The following DCLK3 variants were observed in gnomAD, a reference collection of about 807,000 sequenced individuals.
The protein encoded by DCLK3 is serine/threonine-protein kinase DCLK3.
A neutral mutation model predicts 46.4 loss-of-function variants in DCLK3; 30 were observed. The ratio of observed to expected loss-of-function variants is 0.65; its 90% confidence interval spans 0.48 to 0.88. The LOEUF is 0.88. Ranked by LOEUF, DCLK3 falls within the 40% of genes least tolerant of loss-of-function variation. The pLI, the probability that DCLK3 is intolerant of heterozygous loss-of-function variation, is 0.00. For missense variants in DCLK3, 846 were observed against 907.1 expected (o/e 0.93, Z 0.87); for synonymous variants, 401 against 339.2 (o/e 1.18, Z -2.00).
At chr3:36,735,769 T>A (rs992647822) in intron 2 of DCLK3, among the ~76,000 whole-genome samples, 1 of 152,220 alleles carries the variant, frequency 6.6e-6, no homozygotes, top group Non-Finnish European at 1.5e-5. Flanking sequence ...GTAATAATAG[T>A]GATAGTCTCT....
chr3:36,758,426 G>C (rs1191802628), intron 1 of DCLK3, among the ~76,000 whole-genome samples: 1 of 152,110 alleles, frequency 6.6e-6, no homozygotes, highest in Non-Finnish European at 1.5e-5. Context: ...GGGGGCTTTG[G>C]GGAAGTGATT....
chr3:36,737,336 C>T lies in DCLK3; in HGVS notation c.1831G>A (p.Ala611Thr), dbSNP rs1344499024. The T allele has an allele frequency of 1.2e-6, 2 of 1,614,080 alleles. No individual in the cohort carries two copies. The highest frequency in any genetic ancestry group is 2.2e-5 in the East Asian group (1 of 44,878). Residue 611 changes from alanine (A) to threonine (T), a missense_variant, in exon 2 of 5, where the codon GCC becomes ACC. Around this residue, in one of 3 missense-constraint regions of DCLK3, gnomAD observed 247 missense variants for 322.8 expected, o/e 0.77. Transcript: ENST00000636136. This position sits in a 1 kb window ranked among gnomAD's most constrained non-coding sequence, Gnocchi z 4.4. ...EYVQGGDLFDAIIESVKFPEP... is the reference protein window; with the variant it reads ...EYVQGGDLFDTIIESVKFPEP... ...GGGAACTTCACACTTTCTATGATGG[C>T]GTCAAAAAGGTCTCCTCCCTGCACG...
intron 2 of DCLK3, among the ~76,000 whole-genome samples, chr3:36,725,457 T>C (rs1394742328): frequency 6.6e-6 from 1 of 151,728 alleles, no homozygotes; most frequent in East Asian, 1.9e-4. Context: ...CCTCTACAAA[T>C]AGTAAAAATA....
intron 2 of DCLK3, among the ~76,000 whole-genome samples, chr3:36,726,633 T>G (rs1701128518): frequency 6.6e-6 from 1 of 152,136 alleles, no homozygotes; most frequent in Non-Finnish European, 1.5e-5. Context: ...CCCACTTGCT[T>G]TGGTTTCTGC....
chr3:36,728,687 G>A (rs1701155384), intron 2 of DCLK3, among the ~76,000 whole-genome samples: 2 of 152,156 alleles, frequency 1.3e-5, no homozygotes, highest in African/African-American at 4.8e-5. Flanking sequence ...TCTCCAGCTT[G>A]TGGACAGCCA....
chr3:36,734,148 C>T (rs1033522761), intron 2 of DCLK3, among the ~76,000 whole-genome samples: 9 of 152,190 alleles, frequency 5.9e-5, no homozygotes, highest in Non-Finnish European at 1.3e-4. Flanking sequence ...TATTTTAAAT[C>T]TTAGAAGGCC....
intron 2 of DCLK3, among the ~76,000 whole-genome samples, chr3:36,727,328 A>G (rs1359670646): frequency 3.9e-5 from 6 of 152,192 alleles, no homozygotes; most frequent in Non-Finnish European, 8.8e-5. Context: ...CATTTGGCTG[A>G]CTTAGTATAC....
chr3:36,754,630 G>C (rs1360116097), intron 1 of DCLK3, among the ~76,000 whole-genome samples: 2 of 152,188 alleles, frequency 1.3e-5, no homozygotes, highest in Non-Finnish European at 2.9e-5. Flanking sequence ...ATGTGTGAGA[G>C]ATTATATCTC....
At chr3:36,742,732 A>G (rs1321642749) in intron 1 of DCLK3, among the ~76,000 whole-genome samples, 1 of 152,236 alleles carries the variant, frequency 6.6e-6, no homozygotes, top group Non-Finnish European at 1.5e-5. Context: ...AAAGTAGTCT[A>G]GAGCAAAATT....
chr3:36,715,666 C>A, intron 4 of DCLK3, 145 bp from the exon 5 acceptor site: 1 of 720,676 alleles, frequency 1.4e-6, no homozygotes, highest in Non-Finnish European at 2.0e-6. Flanking sequence ...CAGCACAGTC[C>A]AATAGAAGAC....
intron 1 of DCLK3, among the ~76,000 whole-genome samples, chr3:36,750,601 A>G (rs543037525): frequency 6.6e-6 from 1 of 152,336 alleles, no homozygotes; most frequent in South Asian, 2.1e-4. Context: ...GTAACACCAC[A>G]GATCCAATCT....
At chr3:36,724,445 G>A (rs1438599676) in intron 2 of DCLK3, among the ~76,000 whole-genome samples, 2 of 152,182 alleles carry the variant, frequency 1.3e-5, no homozygotes, top group South Asian at 2.1e-4. Context: ...AGGGCAGAAT[G>A]ATATGGTTTG....
chr3:36,749,609 G>A (rs1701421921), intron 1 of DCLK3, among the ~76,000 whole-genome samples: 1 of 152,204 alleles, frequency 6.6e-6, no homozygotes, highest in African/African-American at 2.4e-5. Context: ...ATCTGTCAGT[G>A]CCTGGATCTG....
intron 1 of DCLK3, among the ~76,000 whole-genome samples, chr3:36,739,621 GA>G (rs1004153006): frequency 1.2e-4 from 18 of 152,170 alleles, no homozygotes; most frequent in African/African-American, 4.3e-4. Context: ...CCATGATTGT[GA>G]GGCTTCCCCA....
chr3:36,726,397 G>A (rs1180068840), intron 2 of DCLK3, among the ~76,000 whole-genome samples: 2 of 151,864 alleles, frequency 1.3e-5, no homozygotes, highest in Admixed American at 1.3e-4. Flanking sequence ...AGACTCATTA[G>A]TGCCACCACA....
chr3:36,733,697 C>A (rs138330707), intron 2 of DCLK3, among the ~76,000 whole-genome samples: 1 of 152,190 alleles, frequency 6.6e-6, no homozygotes, highest in African/African-American at 2.4e-5. Context: ...ATTAAAACTT[C>A]TTTTGTAAGA....
At chr3:36,750,124 A>T (rs754555323) in intron 1 of DCLK3, among the ~76,000 whole-genome samples, 2 of 152,122 alleles carry the variant, frequency 1.3e-5, no homozygotes, top group Non-Finnish European at 2.9e-5. Flanking sequence ...TCTGTCACTC[A>T]GGCTGAAGTG....
rs1172302978 is a variant in DCLK3, at chr3:36,712,444, G to A, written c.*2884C>T. The A allele has an allele frequency of 6.6e-6, 1 of 152,110 alleles. No individual in the cohort carries two copies. The highest frequency in any genetic ancestry group is 1.5e-5 in the Non-Finnish European group (1 of 68,030). The allele number at this position is 152,110 out of a possible 1,614,324, so 9.4% of individuals were successfully genotyped here. A position where few individuals can be genotyped will look rare whatever the true frequency, so the allele number is the denominator to read the frequency against. On this transcript the variant is annotated 3_prime_UTR_variant, in exon 5 of 5. Transcript: ENST00000636136. ...ACTATATTTTTAACAACTTTATTGA[G>A]GTATAATTGACACACAATAAACTGC...
chr3:36,756,522 A>G (rs746480571), intron 1 of DCLK3, among the ~76,000 whole-genome samples: 11 of 152,216 alleles, frequency 7.2e-5, no homozygotes, highest in Non-Finnish European at 1.0e-4. Context: ...GGCAAGAACC[A>G]CTGCCTCTGG....
Sources: gnomAD v4.1 joint callset for allele counts (sites outside exome capture counted in the v4.1 genomes callset) on GRCh38, gnomAD v4.1.1 for gene constraint, gnomAD v4.1.1 regional missense constraint, Gnocchi (gnomAD v3.1) non-coding constraint, MANE v1.5 for transcripts, NCBI Gene and HGNC (gene_info 2026-07-23, HGNC 2026-07-21) for gene names.